Variants in KCNAB1 observed in about 807,000 individuals in gnomAD.
KCNAB1 encodes voltage-gated potassium channel subunit beta-1.
A neutral mutation model predicts 64.6 loss-of-function variants in KCNAB1; 35 were observed. The ratio of observed to expected loss-of-function variants is 0.54; its 90% CI spans 0.41 to 0.72. KCNAB1 has a LOEUF of 0.72. Ranked by LOEUF, KCNAB1 falls within the 30% of genes least tolerant of loss-of-function variation. KCNAB1 has a pLI of 0.00. For missense variants in KCNAB1, 401 were observed against 512.9 expected, an observed-to-expected ratio of 0.78 and a Z score of 2.11; for synonymous variants, 177 against 183.8, an observed-to-expected ratio of 0.96 and a Z score of 0.30.
At chr3:156,321,308 C>A (rs1722643612) in intron 1 of KCNAB1, among the ~76,000 whole-genome samples, 1 of 152,172 alleles carries the variant, frequency 6.6e-6, no homozygotes, top group Admixed American at 6.5e-5. Flanking sequence ...GCAAGCCAAT[C>A]ACACCCAGAG....
intron 5 of KCNAB1, among the ~76,000 whole-genome samples, chr3:156,461,246 A>C (rs1313072036): frequency 6.6e-6 from 1 of 152,186 alleles, no homozygotes; most frequent in African/African-American, 2.4e-5. Flanking sequence ...ATGTTTCTGG[A>C]GGCCAGAAAT....
chr3:156,297,258 GCT>G (rs777622046), intron 1 of KCNAB1, among the ~76,000 whole-genome samples: 8 of 124,412 alleles, frequency 6.4e-5, no homozygotes, highest in Admixed American at 2.3e-4. Flanking sequence ...ATTGAGGTTG[GCT>G]TTTTTTTTTT....
chr3:156,438,990 G>A (rs1716793362), intron 2 of KCNAB1, among the ~76,000 whole-genome samples: 1 of 150,738 alleles, frequency 6.6e-6, no homozygotes, highest in East Asian at 2.0e-4. Flanking sequence ...CTCCAGTCTG[G>A]GTGACAGAGC....
At chr3:156,445,529 G>A (rs1576877256) in intron 2 of KCNAB1, among the ~76,000 whole-genome samples, 1 of 152,280 alleles carries the variant, frequency 6.6e-6, no homozygotes, top group South Asian at 2.1e-4. Context: ...CGCAGTTGTG[G>A]TTAAAAACCT....
At chr3:156,383,184 G>GA (rs1194750892) in intron 1 of KCNAB1, among the ~76,000 whole-genome samples, 1 of 152,236 alleles carries the variant, frequency 6.6e-6, no homozygotes, top group Non-Finnish European at 1.5e-5. Context: ...AGCTCTCAGA[G>GA]AGAGCAGCTA....
At chr3:156,527,381 C>T (rs984440213) in intron 12 of KCNAB1, among the ~76,000 whole-genome samples, 2 of 152,140 alleles carry the variant, frequency 1.3e-5, no homozygotes, top group African/African-American at 4.8e-5. Flanking sequence ...TGATAATGTT[C>T]TTGCAGAGAG....
intron 1 of KCNAB1, among the ~76,000 whole-genome samples, chr3:156,195,283 T>C (rs1208513805): frequency 1.3e-5 from 2 of 152,212 alleles, no homozygotes; most frequent in African/African-American, 4.8e-5. Flanking sequence ...TGATTTATAA[T>C]CCTTTGGGTA....
At chr3:156,439,029 C>A (rs149431895) in intron 2 of KCNAB1, among the ~76,000 whole-genome samples, 14 of 148,996 alleles carry the variant, frequency 9.4e-5, no homozygotes, top group South Asian at 2.1e-4. Context: ...AAACAAAAAA[C>A]AAAAAAAAAA....
intron 1 of KCNAB1, among the ~76,000 whole-genome samples, chr3:156,261,354 T>C (rs956064659): frequency 6.6e-6 from 1 of 152,074 alleles, no homozygotes; most frequent in Non-Finnish European, 1.5e-5. Flanking sequence ...TCCTTCTAGA[T>C]GATTTAGAGT....
chr3:156,325,545 T>C (rs1378311556), intron 1 of KCNAB1, among the ~76,000 whole-genome samples: 1 of 151,620 alleles, frequency 6.6e-6, no homozygotes, highest in East Asian at 1.9e-4. Context: ...TGTTCCATGT[T>C]TTTAAAAAAT....
At chr3:156,181,978 G>A (rs1712847775) in intron 1 of KCNAB1, among the ~76,000 whole-genome samples, 1 of 152,204 alleles carries the variant, frequency 6.6e-6, no homozygotes. Flanking sequence ...AGAAACTGGA[G>A]AGTTATTCAT....
intron 1 of KCNAB1, among the ~76,000 whole-genome samples, chr3:156,386,813 T>C (rs1712630287): frequency 6.6e-6 from 1 of 152,164 alleles, no homozygotes; most frequent in Non-Finnish European, 1.5e-5. Flanking sequence ...CCTTACCTGA[T>C]AATGGTGACC....
intron 1 of KCNAB1, among the ~76,000 whole-genome samples, chr3:156,364,952 A>G (rs1320304787): frequency 6.6e-6 from 1 of 152,226 alleles, no homozygotes; most frequent in African/African-American, 2.4e-5. Context: ...GACATCCAGG[A>G]AAAAGGTAAT....
intron 11 of KCNAB1, among the ~76,000 whole-genome samples, chr3:156,520,561 C>A (rs1057281435): frequency 1.3e-5 from 2 of 152,092 alleles, no homozygotes; most frequent in Non-Finnish European, 2.9e-5. Context: ...CTGAGCAATA[C>A]AATGAGACCC....
intron 1 of KCNAB1, among the ~76,000 whole-genome samples, chr3:156,192,290 C>T (rs1180080514): frequency 6.6e-6 from 1 of 151,968 alleles, no homozygotes; most frequent in East Asian, 1.9e-4. Context: ...TTTAAATTGC[C>T]ATTAACATTC....
At chr3:156,229,701 A>G (rs2108432455) in intron 1 of KCNAB1, among the ~76,000 whole-genome samples, 1 of 152,274 alleles carries the variant, frequency 6.6e-6, no homozygotes, top group South Asian at 2.1e-4. Context: ...GAGAAGAGAG[A>G]CAATGGATTA....
chr3:156,161,672 G>A (rs932050771), intron 1 of KCNAB1, among the ~76,000 whole-genome samples: 1 of 152,082 alleles, frequency 6.6e-6, no homozygotes, highest in African/African-American at 2.4e-5. Context: ...ACCCACATAT[G>A]GGTTTCTGCA....
At chr3:156,470,342 T>G (rs1214505373) in intron 7 of KCNAB1, among the ~76,000 whole-genome samples, 2 of 152,122 alleles carry the variant, frequency 1.3e-5, no homozygotes, top group Non-Finnish European at 2.9e-5. Context: ...GAGCCAATCT[T>G]AGAATTTAGC....
In KCNAB1 at chr3:156,120,902, T is replaced by A; in HGVS notation, c.275+16T>A. 1 of 1,611,758 alleles carries A rather than the reference T, an allele frequency of 6.2e-7. No individual in the cohort carries two copies. Among genetic ancestry groups the A allele is most frequent in the Non-Finnish European group, 8.5e-7 (1 of 1,178,836 alleles). Reference sequence around the variant, plus strand: ...TGCCGCACAGGTAAGCTGCCCCTGCTCTGCGCGGGCTTTGGGAGACGCCGT... The same window carrying A: ...TGCCGCACAGGTAAGCTGCCCCTGCACTGCGCGGGCTTTGGGAGACGCCGT... On this transcript the variant is annotated intron_variant, in intron 1 of 13. Coordinates refer to ENST00000490337, the MANE Select transcript of KCNAB1 (RefSeq NM_172160.3).
Sources: gnomAD v4.1 joint callset for allele counts (sites outside exome capture counted in the v4.1 genomes callset) on GRCh38, gnomAD v4.1.1 for gene constraint, MANE v1.5 for transcripts, NCBI Gene and HGNC (gene_info 2026-07-23, HGNC 2026-07-21) for gene names.